The following PDZD2 variants were observed in gnomAD, a reference collection of about 807,000 sequenced individuals.
PDZD2 encodes the protein PDZ domain containing 2.
In PDZD2, 90 loss-of-function variants were observed where a neutral mutation model predicts 220.7. The observed-to-expected ratio is 0.41, with a 90% CI of 0.34 to 0.49. PDZD2 has a LOEUF of 0.49. Ranked by LOEUF, PDZD2 falls within the 20% of genes least tolerant of loss-of-function variation. The pLI, the probability that PDZD2 is intolerant of heterozygous loss-of-function variation, is 0.28. For missense variants in PDZD2, 3,174 were observed against 3,608.5 expected, an observed-to-expected ratio of 0.88 and a Z score of 3.08; for synonymous variants, 1,375 against 1,450.5, an observed-to-expected ratio of 0.95 and a Z score of 1.18.
At chr5:31,906,641 C>G (rs1018944347) in intron 2 of PDZD2, among the ~76,000 whole-genome samples, 1 of 151,946 alleles carries the variant, frequency 6.6e-6, no homozygotes, top group Admixed American at 6.6e-5. Flanking sequence ...TCAGGAGTTC[C>G]AGACCTGCCT....
At chr5:31,900,504 A>G (rs926640321) in intron 2 of PDZD2, among the ~76,000 whole-genome samples, 2 of 94,040 alleles carry the variant, frequency 2.1e-5, no homozygotes, top group African/African-American at 6.0e-5. Context: ...GGTTTTCTTA[A>G]GAAGGGAAAA....
At chr5:31,819,007 G>A (rs187379915) in intron 2 of PDZD2, among the ~76,000 whole-genome samples, 15 of 152,250 alleles carry the variant, frequency 9.9e-5, no homozygotes, top group Non-Finnish European at 2.2e-4. Flanking sequence ...AGAATGGAAG[G>A]ACAGTGAGTG....
chr5:31,658,244 C>T (rs1467731474), intron 1 of PDZD2, among the ~76,000 whole-genome samples: 1 of 152,144 alleles, frequency 6.6e-6, no homozygotes, highest in Non-Finnish European at 1.5e-5. Context: ...CTTTGACCTC[C>T]CTGTCTCCTC....
intron 1 of PDZD2, among the ~76,000 whole-genome samples, chr5:31,680,469 T>G (rs1479093051): frequency 6.6e-6 from 1 of 152,098 alleles, no homozygotes; most frequent in Non-Finnish European, 1.5e-5. Flanking sequence ...GGCTGTGGGA[T>G]TCAGCCTCCT....
chr5:31,692,975 G>A, intron 1 of PDZD2: 1 of 152,576 alleles, frequency 6.6e-6, no homozygotes, highest in South Asian at 2.1e-4. Flanking sequence ...CTTGGCTTAG[G>A]TTAAGCGGCT....
At chr5:31,793,951 A>G (rs867900552) in intron 1 of PDZD2, among the ~76,000 whole-genome samples, 5 of 152,188 alleles carry the variant, frequency 3.3e-5, no homozygotes, top group Non-Finnish European at 7.4e-5. Flanking sequence ...GTGGAAATTC[A>G]GGCTGTGATT....
In PDZD2 at chr5:31,712,698, G is replaced by A. The variant is rs919926361; in HGVS notation, c.-361+73261G>A. ...TGGCCGAGCAGTCACAGAGCAGCTCGGATTGAAAGGAGTGGAGGAATACAC... is the reference window on the plus strand; with the variant it reads ...TGGCCGAGCAGTCACAGAGCAGCTCAGATTGAAAGGAGTGGAGGAATACAC... On this transcript the variant is annotated intron_variant, in intron 1 of 24. Transcript: ENST00000438447. 1.1e-4 allele frequency among the ~76,000 whole-genome samples: 16 copies of A among 152,240 alleles called. No individual in the cohort carries two copies. In the South Asian group the frequency reaches 1.2e-3, roughly 12 times the overall value.
At chr5:31,951,712 C>T (rs1449073545) in intron 2 of PDZD2, among the ~76,000 whole-genome samples, 2 of 152,136 alleles carry the variant, frequency 1.3e-5, no homozygotes, top group Non-Finnish European at 2.9e-5. Flanking sequence ...TAGAAGTTCG[C>T]GTAGTGTCTC....
chr5:31,710,583 C>T (rs496287), intron 1 of PDZD2, among the ~76,000 whole-genome samples: 31,074 of 151,904 alleles, frequency 0.2, 3,556 homozygotes, highest in East Asian at 0.35. Context: ...TTCGGGAGGC[C>T]GAGGCGGGTG....
chr5:31,647,466 G>A (rs1052297503), intron 1 of PDZD2, among the ~76,000 whole-genome samples: 1 of 152,122 alleles, frequency 6.6e-6, no homozygotes, highest in Non-Finnish European at 1.5e-5. Context: ...TGACAGGGCC[G>A]TGCTCCTTCT....
chr5:31,821,242 A>G (rs1310113275), intron 2 of PDZD2, among the ~76,000 whole-genome samples: 3 of 152,026 alleles, frequency 2.0e-5, no homozygotes, highest in Admixed American at 2.0e-4. Context: ...TTTTAAATTT[A>G]TCTTTAAAAT....
At chr5:31,856,908 C>CTATATATATATATATATA (rs61675053) in intron 2 of PDZD2, among the ~76,000 whole-genome samples, 18 of 140,666 alleles carry the variant, frequency 1.3e-4, no homozygotes, top group African/African-American at 4.6e-4. Context: ...CTTATCAAAA[C>CTATATATATATATATATA]TATATATATA....
chr5:31,707,666 T>G (rs2150137108), intron 1 of PDZD2, among the ~76,000 whole-genome samples: 1 of 152,322 alleles, frequency 6.6e-6, no homozygotes, highest in African/African-American at 2.4e-5. Flanking sequence ...CTCACTCTGT[T>G]GCCCAGGCTG....
intron 2 of PDZD2, among the ~76,000 whole-genome samples, chr5:31,830,260 G>A (rs1419841702): frequency 6.6e-6 from 1 of 150,848 alleles, no homozygotes; most frequent in Admixed American, 6.6e-5. Flanking sequence ...CCGCCTCCCG[G>A]GTTCACGCCA....
chr5:31,739,871 G>C (rs945204675), intron 1 of PDZD2, among the ~76,000 whole-genome samples: 5 of 152,210 alleles, frequency 3.3e-5, no homozygotes, highest in African/African-American at 1.2e-4. Context: ...GAGGAAAGAA[G>C]AGGAGCATTA....
chr5:32,012,206 C>A (rs1396327499), intron 6 of PDZD2, among the ~76,000 whole-genome samples: 2 of 152,124 alleles, frequency 1.3e-5, no homozygotes. Context: ...CATTGCTCAG[C>A]AGTTGTGCCC....
intron 1 of PDZD2, among the ~76,000 whole-genome samples, chr5:31,767,613 C>A (rs1404790122): frequency 6.6e-6 from 1 of 152,138 alleles, no homozygotes; most frequent in Non-Finnish European, 1.5e-5. Context: ...GGTAATTGAC[C>A]CATTTCTGAC....
At chr5:31,914,077 T>C (rs1223237115) in intron 2 of PDZD2, among the ~76,000 whole-genome samples, 3 of 152,200 alleles carry the variant, frequency 2.0e-5, no homozygotes, top group African/African-American at 7.2e-5. Flanking sequence ...CAATGAACTT[T>C]TCCAGTGCCA....
At chr5:31,963,544 G>A (rs1018838132) in intron 2 of PDZD2, among the ~76,000 whole-genome samples, 2 of 152,202 alleles carry the variant, frequency 1.3e-5, no homozygotes, top group Non-Finnish European at 2.9e-5. Flanking sequence ...ATGTTTTACA[G>A]AATATTCAGG....
Sources: allele counts gnomAD v4.1 joint callset (sites outside exome capture counted in the v4.1 genomes callset), GRCh38; gene constraint gnomAD v4.1.1; transcripts MANE v1.5; gene names NCBI Gene and HGNC (gene_info 2026-07-23, HGNC 2026-07-21).